Variants in ZNF804A observed in about 807,000 individuals in gnomAD.
The protein encoded by ZNF804A is zinc finger protein 804A.
In ZNF804A, 2 loss-of-function variants were observed where a neutral mutation model predicts 16.5. That is an observed-to-expected ratio of 0.12 (90% CI 0.05 to 0.38). ZNF804A has a LOEUF of 0.38. Among genes scored for constraint, ZNF804A ranks in the 10% least tolerant of loss-of-function variants. The pLI is 0.99. For missense variants in ZNF804A, 1,473 were observed against 1,390.7 expected (o/e 1.06, Z -0.94); for synonymous variants, 534 against 489.6 (o/e 1.09, Z -1.20).
At chr2:184,601,484 T>C (rs577954577) in intron 1 of ZNF804A, among the ~76,000 whole-genome samples, 3 of 152,128 alleles carry the variant, frequency 2.0e-5, no homozygotes, top group Admixed American at 2.0e-4. Flanking sequence ...AAGGTATATA[T>C]GCCACATTCT....
chr2:184,787,978 C>A lies in ZNF804A; in HGVS notation c.112-78391C>A, dbSNP rs183378527. Among the ~76,000 whole-genome samples the A allele has an allele frequency of 4.0e-5, 6 of 151,738 alleles. No individual in the cohort carries two copies. The East Asian group carries it at 1.2e-3, about 29-fold the overall frequency. ...TTTAACATTTTTATGGCTTCATGTC[C>A]TAGGTTTAGGCCTTTAATCCTTCTT... is the stretch of plus-strand genomic sequence containing the variant. On this transcript the variant is annotated intron_variant, in intron 1 of 3. Transcript: ENST00000302277.
chr2:184,615,647 G>T (rs1220494644), intron 1 of ZNF804A, among the ~76,000 whole-genome samples: 2 of 152,018 alleles, frequency 1.3e-5, no homozygotes, highest in Non-Finnish European at 2.9e-5. Flanking sequence ...TACAGGTGAT[G>T]TATTTCATAT....
rs1177606932 is a variant in ZNF804A, at chr2:184,866,918, A to G, written c.255+406A>G. ...ATCTAATATATACATATATTTATCA[A>G]AGTTAAATAAAATTTAACATAGTTT... On this transcript the variant is annotated intron_variant, in intron 2 of 3. Coordinates refer to ENST00000302277, the MANE Select transcript of ZNF804A (RefSeq NM_194250.2). Among the ~76,000 whole-genome samples, 3 of 150,868 alleles carry G rather than the reference A, an allele frequency of 2.0e-5. No homozygotes were observed. The East Asian group carries it at 5.8e-4, about 29-fold the overall frequency.
chr2:184,647,336 A>T (rs557905574), intron 1 of ZNF804A, among the ~76,000 whole-genome samples: 1 of 152,208 alleles, frequency 6.6e-6, no homozygotes, highest in East Asian at 1.9e-4. Context: ...CACCATAAAA[A>T]CTCTGAATGT....
At position 184,937,864 on chromosome 2, in the gene ZNF804A, T is replaced by G; in HGVS notation, c.2468T>G (p.Phe823Cys). The G allele has an allele frequency of 6.2e-7, 1 of 1,614,106 alleles. No individual in the cohort carries two copies. The highest frequency in any genetic ancestry group is 8.5e-7 in the Non-Finnish European group (1 of 1,180,008). The change falls in exon 4 of 4, where the codon TTT (phenylalanine) becomes TGT (cysteine). Residue 823 changes from phenylalanine to cysteine, a missense_variant. Physicochemically the swap from Phe to Cys is radical, Grantham distance 205. Coordinates refer to ENST00000302277, the MANE Select transcript of ZNF804A (RefSeq NM_194250.2). ...RRKRGRFHPGFETLELKENTD... is the reference protein window; with the variant it reads ...RRKRGRFHPGCETLELKENTD... The stretch of plus-strand genomic sequence containing the variant: ...AAAAGAGGCAGATTCCACCCCGGAT[T>G]TGAAACTTTAGAACTCAAAGAAAAT...
chr2:184,736,858 CT>C (rs1013724436), intron 1 of ZNF804A, among the ~76,000 whole-genome samples: 163 of 131,120 alleles, frequency 1.2e-3, no homozygotes, highest in East Asian at 3.9e-3. Context: ...CGTATTTCTT[CT>C]TTTTTTTTTT....
At chr2:184,727,744 A>G (rs77103108) in intron 1 of ZNF804A, among the ~76,000 whole-genome samples, 2,207 of 151,794 alleles carry the variant, frequency 0.015, 37 homozygotes, top group African/African-American at 0.05. Context: ...CACATGCCAA[A>G]TGCTATCTAT....
intron 1 of ZNF804A, among the ~76,000 whole-genome samples, chr2:184,842,086 A>G (rs1268461223): frequency 6.6e-6 from 1 of 152,138 alleles, no homozygotes; most frequent in Non-Finnish European, 1.5e-5. Context: ...TTCTCCATCC[A>G]ATTTTTAGTT....
chr2:184,751,431 G>T (rs541224600), intron 1 of ZNF804A, among the ~76,000 whole-genome samples: 74 of 151,600 alleles, frequency 4.9e-4, no homozygotes, highest in African/African-American at 1.8e-3. Flanking sequence ...TTGACATAGG[G>T]TAAGAGTTCT....
chr2:184,667,012 T>C (rs1472287250), intron 1 of ZNF804A, among the ~76,000 whole-genome samples: 2 of 152,004 alleles, frequency 1.3e-5, no homozygotes, highest in African/African-American at 2.4e-5. Flanking sequence ...GTGTTTATAA[T>C]GTTGAGGGTA....
intron 1 of ZNF804A, among the ~76,000 whole-genome samples, chr2:184,853,644 G>A (rs1314177373): frequency 6.6e-6 from 1 of 151,756 alleles, no homozygotes; most frequent in Non-Finnish European, 1.5e-5. Context: ...TGCATCTATT[G>A]AAATGATCAT....
chr2:184,669,550 G>T (rs1009008248), intron 1 of ZNF804A, among the ~76,000 whole-genome samples: 2 of 152,038 alleles, frequency 1.3e-5, no homozygotes, highest in African/African-American at 4.8e-5. Context: ...TTGCCACCCT[G>T]GTTCTTTATA....
chr2:184,755,022 C>G (rs1447195703), intron 1 of ZNF804A, among the ~76,000 whole-genome samples: 4 of 151,860 alleles, frequency 2.6e-5, no homozygotes, highest in Non-Finnish European at 4.4e-5. Context: ...GGTCCCACCC[C>G]ACATACATGA....
At chr2:184,723,513 A>G (rs915390485) in intron 1 of ZNF804A, among the ~76,000 whole-genome samples, 4 of 151,830 alleles carry the variant, frequency 2.6e-5, no homozygotes, top group African/African-American at 9.7e-5. Flanking sequence ...AACTATAAAT[A>G]CTGAAGCTGA....
At chr2:184,829,500 T>G (rs541040595) in intron 1 of ZNF804A, among the ~76,000 whole-genome samples, 29 of 151,992 alleles carry the variant, frequency 1.9e-4, no homozygotes, top group Non-Finnish European at 3.7e-4. Flanking sequence ...GACAATACCT[T>G]ACAAAATGTT....
intron 2 of ZNF804A, among the ~76,000 whole-genome samples, chr2:184,912,592 C>G (rs74499716): frequency 6.6e-4 from 100 of 152,194 alleles, no homozygotes; most frequent in Non-Finnish European, 1.3e-3. Context: ...TTCAATTTCT[C>G]TACATCCTTG....
chr2:184,861,867 A>C (rs1347233170), intron 1 of ZNF804A, among the ~76,000 whole-genome samples: 1 of 152,162 alleles, frequency 6.6e-6, no homozygotes, highest in East Asian at 1.9e-4. Flanking sequence ...TATACTGCCA[A>C]GTTGCTGTGG....
At chr2:184,867,067 A>G (rs1695888336) in intron 2 of ZNF804A, among the ~76,000 whole-genome samples, 1 of 151,904 alleles carries the variant, frequency 6.6e-6, no homozygotes, top group Non-Finnish European at 1.5e-5. Context: ...GTTCATTTTA[A>G]TATTTTCATT....
At chr2:184,807,556 C>T (rs1200987973) in intron 1 of ZNF804A, among the ~76,000 whole-genome samples, 1 of 151,758 alleles carries the variant, frequency 6.6e-6, no homozygotes, top group Non-Finnish European at 1.5e-5. Context: ...AGGAATAAAG[C>T]ACCTGTCTAA....
Sources: gnomAD v4.1 joint callset for allele counts (sites outside exome capture counted in the v4.1 genomes callset) on GRCh38, gnomAD v4.1.1 for gene constraint, MANE v1.5 for transcripts, NCBI Gene and HGNC (gene_info 2026-07-23, HGNC 2026-07-21) for gene names.